MAN1A1: variants seen among roughly 807,000 people sequenced by gnomAD.
MAN1A1 encodes the protein mannosyl-oligosaccharide 1,2-alpha-mannosidase IA.
Under a neutral mutation model 70.8 loss-of-function variants are expected in MAN1A1, and 29 were observed. The ratio of observed to expected loss-of-function variants is 0.41; its 90% CI spans 0.31 to 0.56. The LOEUF (loss-of-function observed/expected upper bound fraction) is 0.56. Ranked by LOEUF, MAN1A1 falls within the 20% of genes least tolerant of loss-of-function variation. The probability of loss-of-function intolerance (pLI) is 0.29; values close to 1 mark genes in which losing one functional copy is unlikely to be tolerated. For missense variants in MAN1A1, 747 were observed against 841.3 expected, an observed-to-expected ratio of 0.89 and a Z score of 1.39; for synonymous variants, 349 against 330.1, an observed-to-expected ratio of 1.06 and a Z score of -0.62.
intron 5 of MAN1A1, among the ~76,000 whole-genome samples, chr6:119,262,663 A>G (rs572414557): frequency 9.0e-4 from 137 of 152,328 alleles, no homozygotes; most frequent in African/African-American, 3.2e-3. Flanking sequence ...TTGTTCTACC[A>G]TAAGGACACA....
At chr6:119,261,215 G>A (rs900787040) in intron 5 of MAN1A1, among the ~76,000 whole-genome samples, 2 of 151,866 alleles carry the variant, frequency 1.3e-5, no homozygotes, top group African/African-American at 2.4e-5. Context: ...TCCTGACCTC[G>A]TGATCCACCC....
chr6:119,190,956 G>T (rs1562184520), intron 9 of MAN1A1, among the ~76,000 whole-genome samples: 2 of 152,166 alleles, frequency 1.3e-5, no homozygotes, highest in Admixed American at 1.3e-4. Context: ...CTGCTATCAA[G>T]AGAGAGGGAT....
intron 2 of MAN1A1, among the ~76,000 whole-genome samples, chr6:119,327,776 G>A (rs944361588): frequency 6.6e-6 from 1 of 152,032 alleles, no homozygotes; most frequent in Non-Finnish European, 1.5e-5. Flanking sequence ...TTCCACAATG[G>A]TTACATATTT....
intron 5 of MAN1A1, among the ~76,000 whole-genome samples, chr6:119,254,288 T>A (rs1429347645): frequency 6.6e-6 from 1 of 152,218 alleles, no homozygotes; most frequent in Non-Finnish European, 1.5e-5. Flanking sequence ...CCCAGGTCCT[T>A]GGACTGGCTG....
chr6:119,271,264 A>G (rs1775915504), intron 5 of MAN1A1, among the ~76,000 whole-genome samples: 1 of 152,248 alleles, frequency 6.6e-6, no homozygotes, highest in African/African-American at 2.4e-5. Flanking sequence ...TCATAGTTCT[A>G]GAAAAATGGA....
At chr6:119,298,081 TA>T (rs1772271530) in intron 4 of MAN1A1, among the ~76,000 whole-genome samples, 1 of 152,162 alleles carries the variant, frequency 6.6e-6, no homozygotes, top group African/African-American at 2.4e-5. Flanking sequence ...AGATACTTAG[TA>T]AATAACACAT....
At chr6:119,197,163 C>T (rs1393192794) in intron 8 of MAN1A1, among the ~76,000 whole-genome samples, 2 of 151,912 alleles carry the variant, frequency 1.3e-5, no homozygotes, top group Non-Finnish European at 2.9e-5. Flanking sequence ...ACAAAAGTTA[C>T]CCTGGTGTAG....
intron 6 of MAN1A1, among the ~76,000 whole-genome samples, chr6:119,228,953 AT>A (rs1012755301): frequency 1.3e-5 from 2 of 152,102 alleles, no homozygotes; most frequent in African/African-American, 4.8e-5. Context: ...CTGCTTTTTT[AT>A]TTTTATTAAA....
In MAN1A1 at chr6:119,201,041, T is replaced by C. The variant is rs76391706; in HGVS notation, c.1210+213A>G. 2.8e-3 allele frequency among the ~76,000 whole-genome samples: 432 copies of C among 152,344 alleles called. 4 individuals are homozygous for C. Among genetic ancestry groups the C allele is most frequent in the African/African-American group, 9.6e-3 (399 of 41,576 alleles). Reference sequence around the variant, plus strand: ...TGATTAATAGCTGTAAATGTGCTTATATGTCATCACACTTGGAGTTATATA... The same window carrying C: ...TGATTAATAGCTGTAAATGTGCTTACATGTCATCACACTTGGAGTTATATA... On this transcript the variant is annotated intron_variant, in intron 8 of 12. Coordinates refer to ENST00000368468, the MANE Select transcript of MAN1A1 (RefSeq NM_005907.4).
chr6:119,201,688 G>T (rs1426424848), intron 7 of MAN1A1, among the ~76,000 whole-genome samples: 1 of 152,238 alleles, frequency 6.6e-6, no homozygotes, highest in Non-Finnish European at 1.5e-5. Flanking sequence ...GGAAACACAG[G>T]CAATTTAATT....
In MAN1A1 at chr6:119,211,567, G is replaced by A. The variant is rs1434249463; in HGVS notation, c.993-6685C>T. ...TCTAGATAATCTAATCCCATATTTA[G>A]TGTCACCACATACATGCCCCTCTTA... is the stretch of plus-strand genomic sequence containing the variant. On this transcript the variant is annotated intron_variant, in intron 6 of 12. Transcript: ENST00000368468. 2.6e-5 allele frequency among the ~76,000 whole-genome samples: 4 copies of A among 152,130 alleles called. No homozygotes were observed. In the East Asian group the frequency reaches 7.7e-4, roughly 29 times the overall value.
At chr6:119,251,082 T>C (rs1208361431) in intron 5 of MAN1A1, among the ~76,000 whole-genome samples, 2 of 152,204 alleles carry the variant, frequency 1.3e-5, no homozygotes, top group African/African-American at 4.8e-5. Context: ...GCATAGGCCA[T>C]GTTCTCATTG....
intron 6 of MAN1A1, among the ~76,000 whole-genome samples, chr6:119,223,507 ATACT>A (rs1346802925): frequency 3.9e-5 from 6 of 152,194 alleles, no homozygotes; most frequent in African/African-American, 1.4e-4. Flanking sequence ...ATTAATATTC[ATACT>A]TACTAACTGA....
chr6:119,255,940 T>A (rs1244951494), intron 5 of MAN1A1, among the ~76,000 whole-genome samples: 1 of 152,238 alleles, frequency 6.6e-6, no homozygotes, highest in Non-Finnish European at 1.5e-5. Context: ...TATATTTAAT[T>A]AGATGACTGC....
intron 4 of MAN1A1, among the ~76,000 whole-genome samples, chr6:119,296,906 C>T (rs1475759366): frequency 1.3e-5 from 2 of 152,148 alleles, no homozygotes; most frequent in Non-Finnish European, 2.9e-5. Context: ...ACTGAGATAT[C>T]GCTTTACTGC....
chr6:119,215,422 G>T (rs1429243772), intron 6 of MAN1A1, among the ~76,000 whole-genome samples: 1 of 152,120 alleles, frequency 6.6e-6, no homozygotes, highest in Non-Finnish European at 1.5e-5. Context: ...AATCATTAGG[G>T]TTAGAGACTG....
At chr6:119,334,544 G>T (rs916985190) in intron 2 of MAN1A1, among the ~76,000 whole-genome samples, 2 of 152,188 alleles carry the variant, frequency 1.3e-5, no homozygotes, top group Non-Finnish European at 2.9e-5. Context: ...TAGAACATTA[G>T]TTGGTGTTCT....
rs1158093326 is a variant in MAN1A1 at position 119,177,369 on chromosome 6, T to C, written c.*2450A>G. On this transcript the variant is annotated 3_prime_UTR_variant, in exon 13 of 13. Transcript: ENST00000368468. ...AATAAAAAACAATCAATGTACACAA[T>C]GTGTAGCTCATATGAAAACCTCATG... 4 of 152,136 alleles carry C rather than the reference T, an allele frequency of 2.6e-5. No homozygotes were observed. Among genetic ancestry groups the C allele is most frequent in the Non-Finnish European group, 4.4e-5 (3 of 67,962 alleles). The allele number at this position is 152,136 out of a possible 1,614,324, so 9.4% of individuals were successfully genotyped here.
chr6:119,250,640 TTC>T lies in MAN1A1; in HGVS notation c.898-2288_898-2287del, dbSNP rs200102344. Among the ~76,000 whole-genome samples the T allele has an allele frequency of 3.7e-3, 391 of 105,278 alleles. 2 individuals are homozygous for T. The highest frequency in any genetic ancestry group is 6.5e-3 in the African/African-American group (175 of 27,120). The allele number at this position is 105,278 out of a possible 152,430, so 69.1% of individuals were successfully genotyped here. ...TACTTATTCAGACTCCTCTCTCTTG[TTC>T]TCTCTCTGTGTGTGTGTGTGTGTGT... On this transcript the variant is annotated intron_variant, in intron 5 of 12. Coordinates refer to ENST00000368468, the MANE Select transcript of MAN1A1 (RefSeq NM_005907.4).
Sources: gnomAD v4.1 joint callset for allele counts (sites outside exome capture counted in the v4.1 genomes callset) on GRCh38, gnomAD v4.1.1 for gene constraint, MANE v1.5 for transcripts, NCBI Gene and HGNC (gene_info 2026-07-23, HGNC 2026-07-21) for gene names.